The following CYP2J2 variants were observed in gnomAD, a reference collection of about 807,000 sequenced individuals.
CYP2J2 encodes the protein cytochrome P450 2J2.
CYP2J2 carries 41 observed loss-of-function variants against 48.8 expected under a neutral mutation model. The ratio of observed to expected loss-of-function variants is 0.84; its 90% CI spans 0.66 to 1.09. The LOEUF (loss-of-function observed/expected upper bound fraction) is 1.09, where lower values mean the gene tolerates loss of function less well. Among genes scored for constraint, CYP2J2 ranks in the 50% least tolerant of loss-of-function variants. The probability of loss-of-function intolerance (pLI) is 0.00; values close to 1 mark genes in which losing one functional copy is unlikely to be tolerated. For missense variants in CYP2J2, 644 were observed against 617.3 expected (o/e 1.04, Z -0.46); for synonymous variants, 221 against 227.1 (o/e 0.97, Z 0.24).
the CYP2J2 span, among the ~76,000 whole-genome samples, chr1:59,967,085 A>G: frequency 2.0e-5 from 3 of 152,152 alleles, no homozygotes; most frequent in African/African-American, 7.2e-5. Context: ...TGAACCAGCC[A>G]GCCTTTGAGC....
the CYP2J2 span, among the ~76,000 whole-genome samples, chr1:59,937,978 C>A: frequency 6.6e-6 from 1 of 152,080 alleles, no homozygotes; most frequent in African/African-American, 2.4e-5. Context: ...TCCTTCTCTG[C>A]GTTATCTTGA....
At chr1:59,942,865 G>A in the CYP2J2 span, among the ~76,000 whole-genome samples, 2 of 152,238 alleles carry the variant, frequency 1.3e-5, no homozygotes, top group African/African-American at 4.8e-5. Flanking sequence ...TATGTGCTGG[G>A]CACAGAGTAA....
the CYP2J2 span, among the ~76,000 whole-genome samples, chr1:59,932,055 C>G: frequency 6.6e-6 from 1 of 152,068 alleles, no homozygotes; most frequent in Non-Finnish European, 1.5e-5. Context: ...ACTTGGTCAT[C>G]ATAACTTTTA....
the CYP2J2 span, among the ~76,000 whole-genome samples, chr1:59,968,166 T>C: frequency 6.6e-6 from 1 of 152,128 alleles, no homozygotes; most frequent in African/African-American, 2.4e-5. Context: ...CATGAAAAGG[T>C]TGGTACTGCC....
the CYP2J2 span, among the ~76,000 whole-genome samples, chr1:59,945,350 T>C: frequency 3.3e-5 from 5 of 152,148 alleles, no homozygotes; most frequent in African/African-American, 1.2e-4. Context: ...ATCTTCTTCC[T>C]ACTGATTTAA....
At chr1:59,952,136 T>G in the CYP2J2 span, among the ~76,000 whole-genome samples, 4 of 152,014 alleles carry the variant, frequency 2.6e-5, no homozygotes, top group Non-Finnish European at 5.9e-5. Context: ...AAGCATCTAA[T>G]GAAGTGCTGG....
At chr1:59,962,108 T>A in the CYP2J2 span, among the ~76,000 whole-genome samples, 88 of 152,176 alleles carry the variant, frequency 5.8e-4, 1 homozygote, top group African/African-American at 2.1e-3. Context: ...AATGGGTAAA[T>A]TTTATGGTAT....
chr1:59,910,055 A>G, intron 4 of CYP2J2, 95 bp from the exon 5 acceptor site: 1 of 962,310 alleles, frequency 1.0e-6, no homozygotes. Flanking sequence ...CGTCTCTTTT[A>G]TTTGCTCACA....
upstream of CYP2J2, among the ~76,000 whole-genome samples, chr1:59,928,486 T>A (rs1393165497): frequency 6.6e-6 from 1 of 152,176 alleles, no homozygotes; most frequent in African/African-American, 2.4e-5. Flanking sequence ...TTCTAGACAG[T>A]TAAATCCAAG....
At chr1:59,900,065 T>A (rs1421860036) in intron 8 of CYP2J2, among the ~76,000 whole-genome samples, 2 of 152,248 alleles carry the variant, frequency 1.3e-5, no homozygotes, top group Non-Finnish European at 2.9e-5. Flanking sequence ...TTTCACTGCC[T>A]CTTCTTTCTT....
chr1:59,937,790 G>A, the CYP2J2 span, among the ~76,000 whole-genome samples: 1 of 151,774 alleles, frequency 6.6e-6, no homozygotes, highest in Non-Finnish European at 1.5e-5. Flanking sequence ...GATGTGTATT[G>A]TCAAATACCC....
rs1243632817 is a variant in CYP2J2 at position 59,893,669 on chromosome 1, G to A, written c.1491C>T (p.Cys497=). The A allele has an allele frequency of 1.1e-5, 18 of 1,611,354 alleles. No homozygotes were observed. Among genetic ancestry groups the A allele is most frequent in the East Asian group, 6.7e-5 (3 of 44,884 alleles). The change falls in exon 9 of 9, where the codon TGC becomes TGT. Residue 497 remains cysteine (C), a synonymous_variant. Coordinates refer to ENST00000371204, the MANE Select transcript of CYP2J2 (RefSeq NM_000775.4). ...AACAATATTACACCTGAGGAACAGC[G>A]CAGAGGCGGTGACTGACTGGGGAAA... is the stretch of plus-strand genomic sequence containing the variant. ...ITISPVSHRL[C]AVPQV
At chr1:59,957,673 GAC>G in the CYP2J2 span, among the ~76,000 whole-genome samples, 1 of 131,070 alleles carries the variant, frequency 7.6e-6, no homozygotes, top group South Asian at 2.3e-4. Context: ...AATATTCACA[GAC>G]ACACAGACAC....
At chr1:59,911,115 T>C (rs1039415373) in intron 4 of CYP2J2, among the ~76,000 whole-genome samples, 1 of 152,192 alleles carries the variant, frequency 6.6e-6, no homozygotes, top group Non-Finnish European at 1.5e-5. Flanking sequence ...TGGAAACAAA[T>C]GTCCGTCAGT....
chr1:59,935,725 C>T, the CYP2J2 span, among the ~76,000 whole-genome samples: 6 of 152,270 alleles, frequency 3.9e-5, no homozygotes, highest in African/African-American at 1.4e-4. Flanking sequence ...GGTAGAAAGA[C>T]TCAATATCAT....
chr1:59,928,627 G>A (rs1418096815), upstream of CYP2J2, among the ~76,000 whole-genome samples: 1 of 152,174 alleles, frequency 6.6e-6, no homozygotes, highest in African/African-American at 2.4e-5. Context: ...CTGGCTAAGA[G>A]GTCTAGGGAT....
intron 1 of CYP2J2, among the ~76,000 whole-genome samples, chr1:59,919,839 T>A (rs1323481784): frequency 2.6e-5 from 4 of 152,180 alleles, no homozygotes; most frequent in Non-Finnish European, 5.9e-5. Flanking sequence ...GAACAGGCTG[T>A]GGAGATTAAA....
At chr1:59,906,640 C>T (rs1644367720) in intron 6 of CYP2J2, among the ~76,000 whole-genome samples, 1 of 152,094 alleles carries the variant, frequency 6.6e-6, no homozygotes. Context: ...AACTGAGGCT[C>T]TATATCCCCT....
the CYP2J2 span, among the ~76,000 whole-genome samples, chr1:59,951,682 C>T: frequency 2.6e-5 from 4 of 152,102 alleles, no homozygotes; most frequent in Non-Finnish European, 5.9e-5. Flanking sequence ...TCTCAGTGCA[C>T]CAAGAAATGT....
Sources: allele counts gnomAD v4.1 joint callset (sites outside exome capture counted in the v4.1 genomes callset), GRCh38; gene constraint gnomAD v4.1.1; transcripts MANE v1.5; gene names NCBI Gene and HGNC (gene_info 2026-07-23, HGNC 2026-07-21).